FAM174B: variants seen among roughly 807,000 people sequenced by gnomAD.
FAM174B encodes membrane protein FAM174B.
Under a neutral mutation model 10.9 loss-of-function variants are expected in FAM174B, and 12 were observed. The observed-to-expected ratio is 1.10, with a 90% CI of 0.71 to 1.79. FAM174B has a LOEUF of 1.79. Ranked by LOEUF, FAM174B falls within the 40% of genes most tolerant of loss-of-function variation. The pLI, the probability that FAM174B is intolerant of heterozygous loss-of-function variation, is 0.00. For synonymous variants in FAM174B, 132 were observed against 115.8 expected, an observed-to-expected ratio of 1.14 and a Z score of -0.90; for missense variants, 266 against 233.3, an observed-to-expected ratio of 1.14 and a Z score of -0.91.
chr15:92,619,933 A>G (rs1441555572), intron 2 of FAM174B: 3 of 166,198 alleles, frequency 1.8e-5, no homozygotes, highest in Non-Finnish European at 2.6e-5. Context: ...AGACACTGAA[A>G]TTTGAATTGC....
chr15:92,619,766 G>C, intron 2 of FAM174B: 1 of 443,186 alleles, frequency 2.3e-6, no homozygotes. Flanking sequence ...ACTAGGGGTT[G>C]GAAAACTTCT....
chr15:92,624,152 A>G (rs1349518117), intron 2 of FAM174B, among the ~76,000 whole-genome samples: 2 of 152,202 alleles, frequency 1.3e-5, no homozygotes, highest in African/African-American at 4.8e-5. Flanking sequence ...GCCCATTTTT[A>G]ACACATATCC....
At chr15:92,638,051 A>G (rs530952291) in intron 1 of FAM174B, among the ~76,000 whole-genome samples, 178 of 152,298 alleles carry the variant, frequency 1.2e-3, no homozygotes, top group Non-Finnish European at 1.9e-3. Flanking sequence ...CCATCAAAGA[A>G]CGAACTTTGG....
intron 1 of FAM174B, among the ~76,000 whole-genome samples, chr15:92,651,034 T>C (rs2050963276): frequency 2.0e-5 from 3 of 152,344 alleles, no homozygotes; most frequent in Admixed American, 6.5e-5. Flanking sequence ...GAAATCAGAT[T>C]GATTAAGGAG....
intron 1 of FAM174B, among the ~76,000 whole-genome samples, chr15:92,632,134 A>C (rs2050823445): frequency 6.6e-6 from 1 of 152,248 alleles, no homozygotes; most frequent in Non-Finnish European, 1.5e-5. Context: ...CATTTCTCCT[A>C]GGTCAAGGGC....
chr15:92,647,833 A>T (rs12050771), intron 1 of FAM174B, among the ~76,000 whole-genome samples: 1 of 151,904 alleles, frequency 6.6e-6, no homozygotes, highest in Non-Finnish European at 1.5e-5. Context: ...TGGTGGATCT[A>T]GGAGAGATTA....
intron 1 of FAM174B, among the ~76,000 whole-genome samples, chr15:92,644,059 C>T (rs2050909656): frequency 6.6e-6 from 1 of 152,094 alleles, no homozygotes; most frequent in Non-Finnish European, 1.5e-5. Flanking sequence ...TGCACCTCCT[C>T]CTCAGGACAT....
Position 92,655,572 on chromosome 15 carries a change from CG to C in FAM174B, c.87del (p.Glu30SerfsTer49), listed in dbSNP as rs1465186318. 7.4e-7 allele frequency: 1 copy of C among 1,357,776 alleles called. No individual in the cohort carries two copies. The allele number at this position is 1,357,776 out of a possible 1,614,324, so 84.1% of individuals were successfully genotyped here. ...TCGGGCCACGGCGCGGAGACGGACT[CG>C]GCTCTGCTGGCGCGGGCGGCGGGAG... is the stretch of plus-strand genomic sequence containing the variant. ...LAAPAARASR[A>X]ESVSAPWPEP... On this transcript the variant is annotated frameshift_variant, in exon 1 of 3. Coordinates refer to ENST00000327355, the MANE Select transcript of FAM174B (RefSeq NM_207446.3). LOFTEE classifies it high-confidence loss of function.
At chr15:92,640,798 C>G (rs1252003953) in intron 1 of FAM174B, among the ~76,000 whole-genome samples, 6 of 151,940 alleles carry the variant, frequency 3.9e-5, no homozygotes, top group Admixed American at 1.3e-4. Context: ...GCACACACCA[C>G]CACACTCAGC....
At chr15:92,648,688 C>T (rs1228304556) in intron 1 of FAM174B, among the ~76,000 whole-genome samples, 1 of 151,986 alleles carries the variant, frequency 6.6e-6, no homozygotes, top group Non-Finnish European at 1.5e-5. Context: ...CAAAGAAACG[C>T]CTACCTGAGA....
At chr15:92,630,392 G>C in intron 1 of FAM174B, 47 bp from the exon 2 acceptor site, 1 of 1,558,122 alleles carries the variant, frequency 6.4e-7, no homozygotes, top group Non-Finnish European at 8.7e-7. Context: ...GGGAGAGAAA[G>C]AGTCACTGGG....
In FAM174B at chr15:92,630,753, TATA is replaced by T. The variant is rs1364020130; in HGVS notation, c.345-411_345-409del. On this transcript the variant is annotated intron_variant, in intron 1 of 2. Coordinates refer to ENST00000327355, the MANE Select transcript of FAM174B (RefSeq NM_207446.3). The stretch of plus-strand genomic sequence containing the variant: ...ATATAATTATATATTTTTTATATTA[TATA>T]ATAATATATAATAATAATATATTTT... Among the ~76,000 whole-genome samples the T allele has an allele frequency of 4.7e-3, 24 of 5,066 alleles. 5 individuals are homozygous for T. Among genetic ancestry groups the T allele is most frequent in the African/African-American group, 5.1e-3 (24 of 4,738 alleles). 3.3% of individuals were successfully genotyped at this position (5,066 alleles called of 152,430 possible).
At chr15:92,653,816 C>T (rs1189426767) in intron 1 of FAM174B, among the ~76,000 whole-genome samples, 2 of 152,224 alleles carry the variant, frequency 1.3e-5, no homozygotes, top group Admixed American at 6.5e-5. Context: ...GAGCAAGTGA[C>T]AAGGTACTAG....
chr15:92,641,903 G>A (rs965787179), intron 1 of FAM174B, among the ~76,000 whole-genome samples: 1 of 152,182 alleles, frequency 6.6e-6, no homozygotes, highest in Non-Finnish European at 1.5e-5. Context: ...GGAATCACTT[G>A]CAAACTATAC....
chr15:92,623,769 T>C (rs1337859565), intron 2 of FAM174B, among the ~76,000 whole-genome samples: 1 of 152,080 alleles, frequency 6.6e-6, no homozygotes, highest in African/African-American at 2.4e-5. Flanking sequence ...TGTCTGTGAG[T>C]ATGTCTGAGA....
At chr15:92,633,942 C>CA (rs1259385000) in intron 1 of FAM174B, among the ~76,000 whole-genome samples, 1 of 152,094 alleles carries the variant, frequency 6.6e-6, no homozygotes, top group Non-Finnish European at 1.5e-5. Context: ...CAATCCAAGA[C>CA]AAAACCACAT....
chr15:92,634,582 A>G (rs1455066108), intron 1 of FAM174B: 1 of 152,260 alleles, frequency 6.6e-6, no homozygotes, highest in Non-Finnish European at 1.5e-5. Context: ...AGCATCCAGA[A>G]CACTGTGGCC....
chr15:92,619,360 C>A lies in FAM174B; in HGVS notation c.*96G>T. On this transcript the variant is annotated 3_prime_UTR_variant, in exon 3 of 3. Coordinates refer to ENST00000327355, the MANE Select transcript of FAM174B (RefSeq NM_207446.3). ...CATAACGTTCGTTTTGGTTTCAACA[C>A]CTCCGACGCAAGAGGGCTTCCAGGT... 1 of 1,470,648 alleles carries A rather than the reference C, an allele frequency of 6.8e-7. No individual in the cohort carries two copies. The highest frequency in any genetic ancestry group is 1.7e-5 in the Admixed American group (1 of 59,108). The allele number at this position is 1,470,648 out of a possible 1,614,324, so 91.1% of individuals were successfully genotyped here.
intron 1 of FAM174B, among the ~76,000 whole-genome samples, chr15:92,654,562 G>A (rs925474422): frequency 2.0e-5 from 3 of 152,052 alleles, no homozygotes; most frequent in Admixed American, 2.0e-4. Context: ...CCTACAAAAG[G>A]CTCTCCAAGA....
Sources: allele counts gnomAD v4.1 joint callset (sites outside exome capture counted in the v4.1 genomes callset), GRCh38; gene constraint gnomAD v4.1.1; transcripts MANE v1.5; gene names NCBI Gene and HGNC (gene_info 2026-07-23, HGNC 2026-07-21).